The following PTPRA variants were observed in gnomAD, a reference collection of about 807,000 sequenced individuals.
PTPRA encodes protein tyrosine phosphatase receptor type A.
PTPRA carries 25 observed loss-of-function variants against 104.8 expected under a neutral mutation model. That is an observed-to-expected ratio of 0.24 (90% confidence interval 0.17 to 0.33). The LOEUF (loss-of-function observed/expected upper bound fraction) is 0.33, where lower values mean the gene tolerates loss of function less well. Among genes scored for constraint, PTPRA ranks in the 10% least tolerant of loss-of-function variants. The pLI is 1.00. For synonymous variants in PTPRA, 323 were observed against 368.9 expected (o/e 0.88, Z 1.43); for missense variants, 765 against 1,015.3 (o/e 0.75, Z 3.35).
At chr20:3,032,491 G>A (rs1449843928) in intron 20 of PTPRA, among the ~76,000 whole-genome samples, 1 of 152,208 alleles carries the variant, frequency 6.6e-6, no homozygotes, top group Admixed American at 6.5e-5. Flanking sequence ...CTTTCGGCCG[G>A]GCGCGGTGGC....
chr20:2,932,963 A>G (rs1477108559), intron 2 of PTPRA, among the ~76,000 whole-genome samples: 2 of 152,214 alleles, frequency 1.3e-5, no homozygotes, highest in Non-Finnish European at 2.9e-5. Context: ...ATCTTGGGAA[A>G]AAAAAGTAAA....
intron 3 of PTPRA, among the ~76,000 whole-genome samples, chr20:2,962,731 A>G (rs2147915631): frequency 6.6e-6 from 1 of 152,356 alleles, no homozygotes; most frequent in Non-Finnish European, 1.5e-5. Context: ...ATCACAGCCT[A>G]GGAAGAATGG....
In PTPRA at chr20:2,909,941, G is replaced by GACA. The variant is rs2059583823; in HGVS notation, c.-128-13266_-128-13265insACA. Among the ~76,000 whole-genome samples the GACA allele has an allele frequency of 2.0e-4, 24 of 120,814 alleles. 1 individual carries two copies. The highest frequency in any genetic ancestry group is 1.1e-3 in the Admixed American group (12 of 10,658). 79.3% of individuals were successfully genotyped at this position (120,814 alleles called of 152,430 possible). On this transcript the variant is annotated intron_variant, in intron 1 of 23. Transcript: ENST00000399903. Reference sequence around the variant, plus strand: ...TTATATATTGTTATATATAATATGTGTAATTATATATTATAATATATGATA... The same window carrying GACA: ...TTATATATTGTTATATATAATATGTGACATAATTATATATTATAATATATGATA...
At chr20:2,906,216 T>C (rs1167941144) in intron 1 of PTPRA, among the ~76,000 whole-genome samples, 1 of 152,216 alleles carries the variant, frequency 6.6e-6, no homozygotes, top group Non-Finnish European at 1.5e-5. Flanking sequence ...GCAGGTGACA[T>C]GTATTTGTTT....
intron 5 of PTPRA, among the ~76,000 whole-genome samples, chr20:2,967,338 C>T (rs964336596): frequency 3.3e-5 from 5 of 152,120 alleles, no homozygotes; most frequent in African/African-American, 1.2e-4. Flanking sequence ...ACACAAGAAA[C>T]CATTATCGCA....
At chr20:2,865,169 C>T in the PTPRA span, 2 of 1,614,058 alleles carry the variant, frequency 1.2e-6, no homozygotes, top group African/African-American at 2.7e-5. This position sits in a 1 kb window ranked among gnomAD's most constrained non-coding sequence, Gnocchi z 5.2. Context: ...TCAAATGCGG[C>T]TCCTACGGCT....
chr20:3,027,059 A>G (rs1011735474), intron 18 of PTPRA, 62 bp from the exon 19 acceptor site: 11 of 1,504,410 alleles, frequency 7.3e-6, no homozygotes, highest in Admixed American at 1.7e-5. Flanking sequence ...GGTGGGAGCA[A>G]TGCAAGGAGA....
intron 11 of PTPRA, among the ~76,000 whole-genome samples, chr20:3,014,966 CT>C (rs2064362611): frequency 6.6e-6 from 1 of 152,194 alleles, no homozygotes; most frequent in Admixed American, 6.5e-5. Context: ...TCCGAGGCTC[CT>C]TATCTGTTGA....
chr20:2,910,589 G>GTTTTTTTTTTTTTTTT (rs1423909050), intron 1 of PTPRA, among the ~76,000 whole-genome samples: 4 of 57,970 alleles, frequency 6.9e-5, no homozygotes, highest in East Asian at 5.8e-4. Context: ...TTTTTTTTTT[G>GTTTTTTTTTTTTTTTT]TTTTTTTTTT....
intron 1 of PTPRA, among the ~76,000 whole-genome samples, chr20:2,886,694 A>T (rs1351449422): frequency 6.6e-6 from 1 of 151,264 alleles, no homozygotes; most frequent in Non-Finnish European, 1.5e-5. Flanking sequence ...AAAAAAAAAA[A>T]AAAAATACAA....
chr20:2,907,630 A>G (rs1321889975), intron 1 of PTPRA, among the ~76,000 whole-genome samples: 1 of 152,210 alleles, frequency 6.6e-6, no homozygotes, highest in Non-Finnish European at 1.5e-5. Flanking sequence ...TTTAGGTTAT[A>G]TGGAATTAGT....
intron 1 of PTPRA, among the ~76,000 whole-genome samples, chr20:2,894,729 G>A (rs759954380): frequency 6.6e-6 from 1 of 152,108 alleles, no homozygotes; most frequent in Non-Finnish European, 1.5e-5. Flanking sequence ...GCTCATGCCT[G>A]TAATCCCAGC....
chr20:3,032,495 C>G (rs368629670), intron 20 of PTPRA, among the ~76,000 whole-genome samples: 3 of 152,122 alleles, frequency 2.0e-5, no homozygotes, highest in African/African-American at 7.2e-5. Flanking sequence ...CGGCCGGGCG[C>G]GGTGGCTCAC....
the PTPRA span, chr20:2,865,207 G>T: frequency 1.9e-6 from 3 of 1,614,140 alleles, no homozygotes; most frequent in Non-Finnish European, 2.5e-6. The surrounding 1 kb of genome is among the most constrained non-coding windows in gnomAD (Gnocchi z 5.2). Context: ...ACGAGCTGGG[G>T]GGCCAGTTCC....
intron 18 of PTPRA, 26 bp downstream of exon 18, chr20:3,026,806 G>C: frequency 6.5e-7 from 1 of 1,543,444 alleles, no homozygotes; most frequent in African/African-American, 1.4e-5. Context: ...CCACTCCAAA[G>C]CCTTATTGCC....
At chr20:2,898,491 G>C (rs1168330211) in intron 1 of PTPRA, among the ~76,000 whole-genome samples, 1 of 151,556 alleles carries the variant, frequency 6.6e-6, no homozygotes, top group Non-Finnish European at 1.5e-5. Context: ...TGAGATTATA[G>C]GCATGAGCCA....
At chr20:2,997,492 A>G (rs2063447152) in intron 9 of PTPRA, among the ~76,000 whole-genome samples, 1 of 152,188 alleles carries the variant, frequency 6.6e-6, no homozygotes, top group African/African-American at 2.4e-5. Flanking sequence ...ATAAAAAGGG[A>G]TATCACCAAA....
At chr20:3,027,959 C>A in intron 20 of PTPRA, 118 bp downstream of exon 20, 4 of 1,370,832 alleles carry the variant, frequency 2.9e-6, no homozygotes, top group Non-Finnish European at 4.0e-6. Flanking sequence ...CTTATACGGT[C>A]CAAAGAGTAC....
chr20:2,907,641 A>G (rs922215559), intron 1 of PTPRA, among the ~76,000 whole-genome samples: 6 of 152,216 alleles, frequency 3.9e-5, no homozygotes, highest in Non-Finnish European at 8.8e-5. Flanking sequence ...TGGAATTAGT[A>G]CTTTTTCACC....
Sources: gnomAD v4.1 joint callset for allele counts (sites outside exome capture counted in the v4.1 genomes callset) on GRCh38, gnomAD v4.1.1 for gene constraint, Gnocchi (gnomAD v3.1) non-coding constraint, MANE v1.5 for transcripts, NCBI Gene and HGNC (gene_info 2026-07-23, HGNC 2026-07-21) for gene names.